BPNT2: variants seen among roughly 807,000 people sequenced by gnomAD.
The protein encoded by BPNT2 is 3'(2'), 5'-bisphosphate nucleotidase 2.
A neutral mutation model predicts 29.3 loss-of-function variants in BPNT2; 11 were observed. The ratio of observed to expected loss-of-function variants is 0.38; its 90% CI spans 0.24 to 0.62. The LOEUF (loss-of-function observed/expected upper bound fraction) is 0.62. Ranked by LOEUF, BPNT2 falls within the 20% of genes least tolerant of loss-of-function variation. BPNT2 has a pLI of 0.62. For missense variants in BPNT2, 459 were observed against 473.4 expected, an observed-to-expected ratio of 0.97 and a Z score of 0.28; for synonymous variants, 195 against 187.7, an observed-to-expected ratio of 1.04 and a Z score of -0.32.
At chr8:56,974,704 C>A (rs1045568385) in intron 3 of BPNT2, among the ~76,000 whole-genome samples, 1 of 152,044 alleles carries the variant, frequency 6.6e-6, no homozygotes, top group Non-Finnish European at 1.5e-5. Flanking sequence ...GCAAGTTAGC[C>A]GCATTACAGA....
rs1481780918 is a variant in BPNT2, at chr8:56,993,799, G to A, written c.-214C>T. 2 of 541,978 alleles carry A rather than the reference G, an allele frequency of 3.7e-6. No homozygotes were observed. The highest frequency in any genetic ancestry group is 4.7e-6 in the Non-Finnish European group (2 of 422,392). 33.6% of individuals were successfully genotyped at this position (541,978 alleles called of 1,614,324 possible). ...GCCGCCCCGCGCGCCTGACTCGCCA[G>A]GCAGCGCGCTCTAGGTTCTTCCGCC... is the stretch of plus-strand genomic sequence containing the variant. On this transcript the variant is annotated 5_prime_UTR_variant, in exon 1 of 5. Transcript: ENST00000262644.
chr8:56,993,345 C>T lies in BPNT2; in HGVS notation c.241G>A (p.Val81Met), dbSNP rs748449103. Reference protein sequence around the residue: ...VLAAVRGGDEVRRVRESNVLH... With the variant: ...VLAAVRGGDEMRRVRESNVLH... ...ACGTTGCTCTCGCGGACGCGCCTCA[C>T]CTCGTCGCCGCCGCGGACTGCGGCC... The change falls in exon 1 of 5, where the codon GTG becomes ATG. Residue 81 changes from valine (V) to methionine (M), a missense_variant. Transcript: ENST00000262644. The T allele has an allele frequency of 7.4e-6, 12 of 1,610,960 alleles. No individual in the cohort carries two copies. The highest frequency in any genetic ancestry group is 5.1e-6 in the Non-Finnish European group (6 of 1,179,914).
intron 3 of BPNT2, chr8:56,967,261 C>A (rs1216420630): frequency 2.2e-6 from 1 of 456,136 alleles, no homozygotes; most frequent in African/African-American, 2.0e-5. Flanking sequence ...GTTTGGGTTT[C>A]TGAGTTCCCC....
chr8:56,983,604 G>A (rs1806282051), intron 1 of BPNT2, among the ~76,000 whole-genome samples: 1 of 152,170 alleles, frequency 6.6e-6, no homozygotes, highest in Admixed American at 6.5e-5. Context: ...TAAGCTAAAG[G>A]GAGGGGGAGA....
At chr8:56,969,338 T>C (rs1408362701) in intron 3 of BPNT2, among the ~76,000 whole-genome samples, 11 of 152,208 alleles carry the variant, frequency 7.2e-5, no homozygotes, top group Admixed American at 7.2e-4. Flanking sequence ...TACCATGAGT[T>C]AGCTCTTCTA....
At chr8:56,973,675 T>A (rs1165222100) in intron 3 of BPNT2, among the ~76,000 whole-genome samples, 2 of 152,118 alleles carry the variant, frequency 1.3e-5, no homozygotes, top group East Asian at 1.9e-4. Context: ...GATGAGTGCT[T>A]CAAACCAGGG....
chr8:56,968,701 C>T (rs1465461932), intron 3 of BPNT2, among the ~76,000 whole-genome samples: 1 of 151,068 alleles, frequency 6.6e-6, no homozygotes, highest in Non-Finnish European at 1.5e-5. Flanking sequence ...AGGAGAGGAC[C>T]TAAACATCTA....
In BPNT2 at chr8:56,976,629, T is replaced by C. The variant is rs916255035; in HGVS notation, c.646+1421A>G. 2.0e-5 allele frequency among the ~76,000 whole-genome samples: 3 copies of C among 152,162 alleles called. No individual in the cohort carries two copies. In the East Asian group the frequency reaches 5.8e-4, roughly 29 times the overall value. ...TTGAAACACAGAGCCAACACTCAAA[T>C]AGATGTTTAGCCAATCTCAGAGCAG... On this transcript the variant is annotated intron_variant, in intron 3 of 4. Coordinates refer to ENST00000262644, the MANE Select transcript of BPNT2 (RefSeq NM_017813.5).
intron 3 of BPNT2, among the ~76,000 whole-genome samples, chr8:56,977,784 A>G (rs1481959697): frequency 6.6e-6 from 1 of 152,166 alleles, no homozygotes; most frequent in Non-Finnish European, 1.5e-5. Context: ...AATGAACACC[A>G]CAGAATGCTG....
chr8:56,992,194 G>C (rs1035464523), intron 1 of BPNT2, among the ~76,000 whole-genome samples: 1 of 152,216 alleles, frequency 6.6e-6, no homozygotes, highest in Non-Finnish European at 1.5e-5. Flanking sequence ...AGCAGTAAAA[G>C]GTCAGTCACC....
chr8:56,980,815 C>CAT (rs1554540128), intron 1 of BPNT2, among the ~76,000 whole-genome samples: 134 of 111,328 alleles, frequency 1.2e-3, no homozygotes, highest in African/African-American at 3.7e-3. Context: ...TACATACATA[C>CAT]ATATACACAC....
chr8:56,993,107 G>A, intron 1 of BPNT2, 92 bp downstream of exon 1: 1 of 1,531,118 alleles, frequency 6.5e-7, no homozygotes, highest in Non-Finnish European at 8.8e-7. Flanking sequence ...CTACAAAATG[G>A]AACCAGAAGC....
At chr8:56,974,300 C>G (rs910708428) in intron 3 of BPNT2, among the ~76,000 whole-genome samples, 1 of 152,152 alleles carries the variant, frequency 6.6e-6, no homozygotes, top group Admixed American at 6.5e-5. Flanking sequence ...CTGCACTGTT[C>G]ATGGGTCTAC....
rs112348747 is a variant in BPNT2, at chr8:56,958,244, A to G, written c.*5549T>C. ...ACATTAAGTACTTAATTTGTGCAAG[A>G]GACTGGGCTATGTGCTGGGGGTGAG... On this transcript the variant is annotated 3_prime_UTR_variant, in exon 5 of 5. Transcript: ENST00000262644. 1.3e-5 allele frequency: 2 copies of G among 152,186 alleles called. No homozygotes were observed. Among genetic ancestry groups the G allele is most frequent in the African/African-American group, 4.8e-5 (2 of 41,430 alleles). 9.4% of individuals were successfully genotyped at this position (152,186 alleles called of 1,614,324 possible). A position where few individuals can be genotyped will look rare whatever the true frequency, so the allele number is the denominator to read the frequency against.
At chr8:56,969,918 T>C (rs575747694) in intron 3 of BPNT2, among the ~76,000 whole-genome samples, 1 of 152,038 alleles carries the variant, frequency 6.6e-6, no homozygotes, top group Non-Finnish European at 1.5e-5. Context: ...ACTCTGAAAA[T>C]TGGTAAATAA....
rs1805831232 is a variant in BPNT2, at chr8:56,961,425, A to C, written c.*2368T>G. 6.6e-6 allele frequency: 1 copy of C among 152,126 alleles called. No homozygotes were observed. The highest frequency in any genetic ancestry group is 6.5e-5 in the Admixed American group (1 of 15,268). The allele number at this position is 152,126 out of a possible 1,614,324, so 9.4% of individuals were successfully genotyped here. A position where few individuals can be genotyped will look rare whatever the true frequency, so the allele number is the denominator to read the frequency against. On this transcript the variant is annotated 3_prime_UTR_variant, in exon 5 of 5. Coordinates refer to ENST00000262644, the MANE Select transcript of BPNT2 (RefSeq NM_017813.5). ...AATTTTAAAAATGAACTTTTTATAA[A>C]AGTACTTAAAAAAAATCATTAGTAA...
At position 56,963,819 on chromosome 8, in the gene BPNT2, C is replaced by A; in HGVS notation, c.1054G>T (p.Asp352Tyr). The A allele has an allele frequency of 6.2e-7, 1 of 1,614,180 alleles. No individual in the cohort carries two copies. Among genetic ancestry groups the A allele is most frequent in the Non-Finnish European group, 8.5e-7 (1 of 1,180,038 alleles). ...CATTTATGTCCTGTCTTTTCTAGAT[C>A]TGGGAGTTTTCTGACCAGGGCCTGG... is the stretch of plus-strand genomic sequence containing the variant. The part of the protein sequence containing the change: ...NHQALVRKLP[D>Y]LEKTGHK Residue 352 changes from aspartate to tyrosine, a missense_variant, in exon 5 of 5, where the codon GAT (aspartate) becomes TAT (tyrosine). Asp to Tyr is a radical substitution (Grantham distance 160, BLOSUM62 -3). Coordinates refer to ENST00000262644, the MANE Select transcript of BPNT2 (RefSeq NM_017813.5).
In BPNT2 at chr8:56,960,460, A is replaced by C. The variant is rs1466543997; in HGVS notation, c.*3333T>G. On this transcript the variant is annotated 3_prime_UTR_variant, in exon 5 of 5. Transcript: ENST00000262644. ...TATTCAAAGGGAGCACCTAACAAAC[A>C]AGAGGAATTTGCACAACTGTTACTT... The C allele has an allele frequency of 1.3e-5, 2 of 152,210 alleles. No homozygotes were observed. The highest frequency in any genetic ancestry group is 2.9e-5 in the Non-Finnish European group (2 of 68,036). The allele number at this position is 152,210 out of a possible 1,614,324, so 9.4% of individuals were successfully genotyped here. A position where few individuals can be genotyped will look rare whatever the true frequency, so the allele number is the denominator to read the frequency against.
chr8:56,973,022 C>T (rs937067857), intron 3 of BPNT2, among the ~76,000 whole-genome samples: 1 of 152,102 alleles, frequency 6.6e-6, no homozygotes, highest in Non-Finnish European at 1.5e-5. Context: ...ACCCCCGAGT[C>T]TTGAAAGGAA....
Sources: allele counts gnomAD v4.1 joint callset (sites outside exome capture counted in the v4.1 genomes callset), GRCh38; gene constraint gnomAD v4.1.1; transcripts MANE v1.5; gene names NCBI Gene and HGNC (gene_info 2026-07-23, HGNC 2026-07-21).